Variants in ATP2B1 observed in about 807,000 individuals in gnomAD.
ATP2B1 encodes the protein plasma membrane calcium-transporting ATPase 1.
In ATP2B1, 14 loss-of-function variants were observed where a neutral mutation model predicts 124.2. The observed-to-expected ratio is 0.11, with a 90% CI of 0.07 to 0.18. ATP2B1 has a LOEUF of 0.18. Ranked by LOEUF, ATP2B1 falls within the 10% of genes least tolerant of loss-of-function variation. The probability of loss-of-function intolerance (pLI) is 1.00; values close to 1 mark genes in which losing one functional copy is unlikely to be tolerated. For missense variants in ATP2B1, 763 were observed against 1,466.1 expected (o/e 0.52, Z 7.83); for synonymous variants, 449 against 492.4 (o/e 0.91, Z 1.17).
intron 9 of ATP2B1, among the ~76,000 whole-genome samples, chr12:89,622,289 T>C (rs1880118694): frequency 1.2e-5 from 1 of 81,466 alleles, no homozygotes; most frequent in Non-Finnish European, 2.5e-5. Context: ...TGTGGGTATG[T>C]AGTTGCTTGA....
chr12:89,699,749 G>A (rs1891595478), intron 1 of ATP2B1, among the ~76,000 whole-genome samples: 2 of 152,320 alleles, frequency 1.3e-5, no homozygotes, highest in Admixed American at 6.5e-5. Flanking sequence ...GGTATTTCTA[G>A]CAAAAGAAAT....
intron 20 of ATP2B1, chr12:89,598,628 A>G (rs761636320): frequency 6.2e-7 from 1 of 1,613,916 alleles, no homozygotes; most frequent in Non-Finnish European, 8.5e-7. Context: ...GGAAAACACT[A>G]CATGTGTAGG....
chr12:89,629,548 G>A (rs553478204), intron 6 of ATP2B1, among the ~76,000 whole-genome samples: 4 of 152,192 alleles, frequency 2.6e-5, no homozygotes, highest in South Asian at 2.1e-4. Context: ...TTTTTGTTTC[G>A]AAATAGAGAT....
intron 1 of ATP2B1, among the ~76,000 whole-genome samples, chr12:89,663,047 A>G (rs1008031745): frequency 1.3e-5 from 2 of 152,210 alleles, no homozygotes; most frequent in African/African-American, 4.8e-5. Context: ...TTCATTTTTA[A>G]CCCCAGCACT....
Position 89,630,653 on chromosome 12 carries a change from C to A in ATP2B1, c.788-8G>T, listed in dbSNP as rs1881696982. On this transcript the variant is annotated splice_polypyrimidine_tract_variant and splice_region_variant and intron_variant, in intron 5 of 20. Coordinates refer to ENST00000428670, the MANE Select transcript of ATP2B1 (RefSeq NM_001366521.1). ...CTTCCATTACATGAGTACCTATAAC[C>A]AAAAACATAGTTTGTTTTTAAAAAT... The A allele has an allele frequency of 1.4e-6, 2 of 1,465,570 alleles. No homozygotes were observed. The highest frequency in any genetic ancestry group is 1.5e-5 in the African/African-American group (1 of 68,548). The allele number at this position is 1,465,570 out of a possible 1,614,324, so 90.8% of individuals were successfully genotyped here.
In ATP2B1 at chr12:89,694,142, T is replaced by C. The variant is rs73437365; in HGVS notation, c.-222+14454A>G. Among the ~76,000 whole-genome samples the C allele has an allele frequency of 3.1e-3, 467 of 152,326 alleles. 2 individuals carry two copies. The highest frequency in any genetic ancestry group is 0.01 in the African/African-American group (426 of 41,554). On this transcript the variant is annotated intron_variant, in intron 1 of 20. Transcript: ENST00000428670. ...ATAACTATTCTAAGTAATTATTACT[T>C]GAGTAGCCAAAAGAAACACTTGCAC... is the stretch of plus-strand genomic sequence containing the variant.
At chr12:89,654,327 C>G (rs377023602) in intron 2 of ATP2B1, among the ~76,000 whole-genome samples, 3 of 152,160 alleles carry the variant, frequency 2.0e-5, no homozygotes, top group Non-Finnish European at 4.4e-5. Context: ...ATATGCAATA[C>G]CATTTTAATG....
chr12:89,668,011 A>G (rs1024013419), intron 1 of ATP2B1, among the ~76,000 whole-genome samples: 7 of 152,236 alleles, frequency 4.6e-5, no homozygotes, highest in South Asian at 2.1e-4. Flanking sequence ...CGTGACTTCA[A>G]GAAGAGCTTC....
In ATP2B1 at chr12:89,616,860, A is replaced by G. The variant is rs370374433; in HGVS notation, c.2009T>C (p.Ile670Thr). 4 of 1,614,082 alleles carry G rather than the reference A, an allele frequency of 2.5e-6. No individual in the cohort carries two copies. The highest frequency in any genetic ancestry group is 2.5e-6 in the Non-Finnish European group (3 of 1,179,962). ...AGCAATGCATGTAAGGCCGGTGACA[A>G]TATCATTTTCATTATCCCACTCTGG... ...PEPEWDNEND[I>T]VTGLTCIAVV... Residue 670 changes from isoleucine (I) to threonine (T), a missense_variant, in exon 12 of 21, where the codon ATT (isoleucine) becomes ACT (threonine). Physicochemically the swap from Ile to Thr is moderately conservative, Grantham distance 89. Around this residue, in one of 7 missense-constraint regions of ATP2B1, gnomAD observed 392 missense variants for 776.6 expected, o/e 0.50. Transcript: ENST00000428670.
At chr12:89,669,680 G>A (rs1057035118) in intron 1 of ATP2B1, among the ~76,000 whole-genome samples, 6 of 152,100 alleles carry the variant, frequency 3.9e-5, no homozygotes, top group Admixed American at 3.9e-4. Context: ...GTCATGAACT[G>A]TATAGTGTAT....
intron 1 of ATP2B1, among the ~76,000 whole-genome samples, chr12:89,690,282 A>G (rs772812404): frequency 2.0e-5 from 3 of 151,296 alleles, no homozygotes; most frequent in Admixed American, 2.0e-4. Flanking sequence ...TTTCCTTTAT[A>G]CTCTGGGATA....
intron 13 of ATP2B1, among the ~76,000 whole-genome samples, chr12:89,610,879 T>C (rs1877884062): frequency 6.6e-6 from 1 of 152,184 alleles, no homozygotes; most frequent in African/African-American, 2.4e-5. Flanking sequence ...CCCTAAAATA[T>C]GCTCCATATC....
intron 1 of ATP2B1, among the ~76,000 whole-genome samples, chr12:89,657,470 T>G (rs2136376439): frequency 1.3e-5 from 2 of 152,348 alleles, no homozygotes; most frequent in South Asian, 2.1e-4. Flanking sequence ...ATTTAACGTC[T>G]TCCCACCTCA....
At chr12:89,707,990 G>C (rs543033478) in intron 1 of ATP2B1, among the ~76,000 whole-genome samples, 4 of 152,194 alleles carry the variant, frequency 2.6e-5, no homozygotes, top group Non-Finnish European at 5.9e-5. Context: ...TGAACATCCT[G>C]GGGGGCCAGA....
At chr12:89,654,105 T>C (rs1885649889) in intron 2 of ATP2B1, among the ~76,000 whole-genome samples, 1 of 152,234 alleles carries the variant, frequency 6.6e-6, no homozygotes, top group East Asian at 1.9e-4. Flanking sequence ...AATAGCATAC[T>C]AATGTACAAA....
chr12:89,658,478 T>C (rs2136386181), intron 1 of ATP2B1, among the ~76,000 whole-genome samples: 1 of 152,316 alleles, frequency 6.6e-6, no homozygotes, highest in Non-Finnish European at 1.5e-5. Context: ...TAGAGCGTTG[T>C]TGTCACACAA....
intron 1 of ATP2B1, among the ~76,000 whole-genome samples, chr12:89,707,068 T>A (rs1043102218): frequency 6.6e-6 from 1 of 151,930 alleles, no homozygotes; most frequent in African/African-American, 2.4e-5. Flanking sequence ...ACCAGGAGGA[T>A]AAAGAAAAAG....
intron 2 of ATP2B1, among the ~76,000 whole-genome samples, chr12:89,648,662 T>C (rs1188918834): frequency 6.6e-6 from 1 of 152,240 alleles, no homozygotes; most frequent in Non-Finnish European, 1.5e-5. Context: ...AATCACTTTC[T>C]AGAGAGATTA....
intron 2 of ATP2B1, among the ~76,000 whole-genome samples, chr12:89,648,077 A>G (rs1187300159): frequency 2.0e-5 from 3 of 152,196 alleles, no homozygotes; most frequent in African/African-American, 4.8e-5. Context: ...GTATTTCTTT[A>G]TAACAACACA....
Sources: allele counts gnomAD v4.1 joint callset (sites outside exome capture counted in the v4.1 genomes callset), GRCh38; gene constraint gnomAD v4.1.1; regional missense constraint gnomAD v4.1.1; transcripts MANE v1.5; gene names NCBI Gene and HGNC (gene_info 2026-07-23, HGNC 2026-07-21).